Variants in ASPH observed in about 807,000 individuals in gnomAD.
ASPH encodes the protein aspartate beta-hydroxylase, also known as aspartyl/asparaginyl beta-hydroxylase.
A neutral mutation model predicts 118.4 loss-of-function variants in ASPH; 100 were observed. That is an observed-to-expected ratio of 0.84 (90% CI 0.72 to 1.00). ASPH has a LOEUF of 1.00. Ranked by LOEUF, ASPH falls within the 50% of genes least tolerant of loss-of-function variation. ASPH has a pLI of 0.00. For synonymous variants in ASPH, 315 were observed against 325.6 expected, an observed-to-expected ratio of 0.97 and a Z score of 0.35; for missense variants, 920 against 919.5, an observed-to-expected ratio of 1.00 and a Z score of -0.01.
Position 61,575,862 on chromosome 8 carries a change from C to A in ASPH, c.1149+910G>T, listed in dbSNP as rs186612612. ...TTAATCATCTCAGGGCCAGGTACCA[C>A]CCCTATAGGCAAAAGGTACCACCTC... On this transcript the variant is annotated intron_variant, in intron 16 of 24. Transcript: ENST00000379454. Among the ~76,000 whole-genome samples, 19 of 152,254 alleles carry A rather than the reference C, an allele frequency of 1.2e-4. No homozygotes were observed. In the East Asian group the frequency reaches 3.7e-3, roughly 29 times the overall value.
At chr8:61,651,427 T>C in intron 4 of ASPH, 1 of 253,798 alleles carries the variant, frequency 3.9e-6, no homozygotes, top group African/African-American at 2.2e-5. Context: ...AAATGACTTG[T>C]TTCTAATTAA....
intron 13 of ASPH, chr8:61,628,323 CTTTTTTT>C (rs398008041): frequency 0.013 from 2,518 of 195,662 alleles, 9 homozygotes; most frequent in African/African-American, 0.025. Flanking sequence ...CCAAGCCCGG[CTTTTTTT>C]TTTTTTTTTT....
chr8:61,579,807 G>A, intron 15 of ASPH: 1 of 669,658 alleles, frequency 1.5e-6, no homozygotes, highest in Non-Finnish European at 2.7e-6. Context: ...CACCTGGGGA[G>A]TTTACTACCT....
chr8:61,572,059 A>T (rs1022620940), intron 16 of ASPH, among the ~76,000 whole-genome samples: 3 of 152,252 alleles, frequency 2.0e-5, no homozygotes, highest in Non-Finnish European at 2.9e-5. Flanking sequence ...AATCGAATTA[A>T]TAAAAAATAT....
chr8:61,557,451 G>A (rs141123500), intron 18 of ASPH, among the ~76,000 whole-genome samples: 129 of 152,080 alleles, frequency 8.5e-4, no homozygotes, highest in Admixed American at 1.4e-3. Context: ...AGACTCTTCC[G>A]CCAGACATCC....
At chr8:61,644,707 G>T in intron 6 of ASPH, 75 bp from the exon 7 acceptor site, 1 of 1,081,408 alleles carries the variant, frequency 9.2e-7, no homozygotes, top group South Asian at 1.9e-5. Flanking sequence ...TATGTACTCT[G>T]AATCTATGCT....
intron 21 of ASPH, among the ~76,000 whole-genome samples, chr8:61,533,734 T>C (rs1036165307): frequency 3.9e-5 from 6 of 152,254 alleles, no homozygotes; most frequent in Non-Finnish European, 5.9e-5. Flanking sequence ...TTTGGAAGCT[T>C]CTCTGTAATT....
chr8:61,601,595 C>T (rs1450978307), intron 14 of ASPH, among the ~76,000 whole-genome samples: 1 of 146,942 alleles, frequency 6.8e-6, no homozygotes, highest in Non-Finnish European at 1.5e-5. Context: ...GCAAATTAAA[C>T]CTAAAATAAG....
Position 61,548,121 on chromosome 8 carries a change from C to T in ASPH, c.1714G>A (p.Ala572Thr), listed in dbSNP as rs1477995459. Reference protein sequence around the residue: ...RSLYNVNGLKAQPWWTPKETG... With the variant: ...RSLYNVNGLKTQPWWTPKETG... Reference sequence around the variant, plus strand: ...TCTTTTGGGGTCCACCAAGGCTGTGCTTTCAGTCCATTCACATTGTAGAGT... The same window carrying T: ...TCTTTTGGGGTCCACCAAGGCTGTGTTTTCAGTCCATTCACATTGTAGAGT... The change falls in exon 21 of 25, where the codon GCA becomes ACA. Residue 572 changes from alanine to threonine, a missense_variant. Ala to Thr is a moderately conservative substitution (Grantham distance 58). Coordinates refer to ENST00000379454, the MANE Select transcript of ASPH (RefSeq NM_004318.4). 4.3e-6 allele frequency: 7 copies of T among 1,613,848 alleles called. No homozygotes were observed. Among genetic ancestry groups the T allele is most frequent in the Middle Eastern group, 1.6e-4 (1 of 6,084 alleles).
At chr8:61,656,625 A>G (rs777615598) in intron 3 of ASPH, 11 of 152,174 alleles carry the variant, frequency 7.2e-5, no homozygotes, top group African/African-American at 1.4e-4. Context: ...AATGGCCACA[A>G]CATGATTTGG....
rs1243969702 is a variant in ASPH, at chr8:61,638,226, T to G, written c.832+96A>C. 2.1e-6 allele frequency: 3 copies of G among 1,462,870 alleles called. No homozygotes were observed. In the African/African-American group the frequency reaches 4.3e-5, roughly 21 times the overall value. 90.6% of individuals were successfully genotyped at this position (1,462,870 alleles called of 1,614,324 possible). A position where few individuals can be genotyped will look rare whatever the true frequency, so the allele number is the denominator to read the frequency against. ...TACTGACTTGAAAATGTCTTGCATTTTTTCTACACTGACTCTTTGTTCCAC... is the reference window on the plus strand; with the variant it reads ...TACTGACTTGAAAATGTCTTGCATTGTTTCTACACTGACTCTTTGTTCCAC... On this transcript the variant is annotated intron_variant, in intron 11 of 24. Transcript: ENST00000379454.
rs904902639 is a variant in ASPH, at chr8:61,554,716, TTTTG to T, written c.1536+1204_1536+1207del. On this transcript the variant is annotated intron_variant, in intron 19 of 24. Transcript: ENST00000379454. The stretch of plus-strand genomic sequence containing the variant: ...TAGAGACTGGGTCTTGCTCTGTTTT[TTTTG>T]TTTGTTTGTTTTTTTAATATTATAC... Among the ~76,000 whole-genome samples the T allele has an allele frequency of 3.9e-5, 6 of 152,188 alleles. No individual in the cohort carries two copies. In the South Asian group the frequency reaches 8.3e-4, roughly 21 times the overall value.
At chr8:61,667,723 G>A (rs1437445566) in intron 3 of ASPH, among the ~76,000 whole-genome samples, 1 of 152,106 alleles carries the variant, frequency 6.6e-6, no homozygotes, top group Non-Finnish European at 1.5e-5. Flanking sequence ...ATGTAATGTA[G>A]GGTTATACAT....
At chr8:61,592,426 T>A (rs958444118) in intron 14 of ASPH, among the ~76,000 whole-genome samples, 1 of 152,212 alleles carries the variant, frequency 6.6e-6, no homozygotes, top group African/African-American at 2.4e-5. Context: ...TATACCTGCA[T>A]TCAGTTTGGA....
At position 61,518,039 on chromosome 8, in the gene ASPH, CT is replaced by C; in HGVS notation, c.1984del (p.Arg662GlufsTer33). ...EKFPETTGCRRGQIKYSIMHP... is the reference protein window; with the variant it reads ...EKFPETTGCRXGQIKYSIMHP... ...GCACGACACTCTTGGTACCTGTCCT[CT>C]TCTGCATCCTGTTGTCTCGGGGAAC... On this transcript the variant is annotated frameshift_variant, in exon 23 of 25. Transcript: ENST00000379454. LOFTEE classifies it high-confidence loss of function. 6.2e-7 allele frequency: 1 copy of C among 1,613,096 alleles called. No homozygotes were observed. Among genetic ancestry groups the C allele is most frequent in the East Asian group, 2.2e-5 (1 of 44,866 alleles).
intron 14 of ASPH, among the ~76,000 whole-genome samples, chr8:61,612,090 T>G (rs754135572): frequency 2.7e-5 from 4 of 149,802 alleles, no homozygotes; most frequent in African/African-American, 4.9e-5. Flanking sequence ...ATTGGGTTTA[T>G]TAGAAAAATA....
intron 18 of ASPH, among the ~76,000 whole-genome samples, chr8:61,559,281 A>C (rs189650380): frequency 9.8e-5 from 15 of 152,334 alleles, no homozygotes; most frequent in Admixed American, 9.8e-4. Flanking sequence ...AATATGCGTT[A>C]ATCGACTGTT....
chr8:61,645,155 T>G (rs1245045323), intron 6 of ASPH, among the ~76,000 whole-genome samples: 1 of 152,202 alleles, frequency 6.6e-6, no homozygotes, highest in Non-Finnish European at 1.5e-5. Context: ...CTTGCTAATT[T>G]TATTTAATGC....
chr8:61,667,772 T>A (rs1371585327), intron 3 of ASPH, among the ~76,000 whole-genome samples: 1 of 152,354 alleles, frequency 6.6e-6, no homozygotes, highest in African/African-American at 2.4e-5. Context: ...ACTACACATT[T>A]GAATCACACT....
Sources: allele counts gnomAD v4.1 joint callset (sites outside exome capture counted in the v4.1 genomes callset), GRCh38; gene constraint gnomAD v4.1.1; transcripts MANE v1.5; gene names NCBI Gene and HGNC (gene_info 2026-07-23, HGNC 2026-07-21).